RMDN2: variants seen among roughly 807,000 people sequenced by gnomAD.
The protein encoded by RMDN2 is regulator of microtubule dynamics protein 2.
A neutral mutation model predicts 52.8 loss-of-function variants in RMDN2; 61 were observed. That is an observed-to-expected ratio of 1.16 (90% CI 0.94 to 1.43). The LOEUF (loss-of-function observed/expected upper bound fraction) is 1.43. RMDN2 is among the 40% of genes most tolerant of loss of function. RMDN2 has a pLI of 0.00. For synonymous variants in RMDN2, 180 were observed against 153.1 expected, an observed-to-expected ratio of 1.18 and a Z score of -1.30; for missense variants, 592 against 475.3, an observed-to-expected ratio of 1.25 and a Z score of -2.28.
upstream of RMDN2, among the ~76,000 whole-genome samples, chr2:37,923,727 G>C (rs754327645): frequency 2.0e-5 from 3 of 152,156 alleles, no homozygotes; most frequent in Non-Finnish European, 4.4e-5. Flanking sequence ...AGATTAATCT[G>C]CTCTTTTTCC....
chr2:38,003,854 ATG>A, intron 8 of RMDN2, 135 bp from the exon 9 acceptor site: 1 of 682,584 alleles, frequency 1.5e-6, no homozygotes, highest in Non-Finnish European at 2.6e-6. Flanking sequence ...AGTGATTCAA[ATG>A]TGAAACAACC....
At chr2:37,947,751 A>G (rs566725409) in intron 2 of RMDN2, among the ~76,000 whole-genome samples, 2 of 152,356 alleles carry the variant, frequency 1.3e-5, no homozygotes, top group South Asian at 4.1e-4. Context: ...CTGAATTCAG[A>G]GTACTTCACG....
intron 10 of RMDN2, among the ~76,000 whole-genome samples, chr2:38,064,476 C>T (rs962958687): frequency 1.6e-4 from 24 of 150,726 alleles, no homozygotes; most frequent in Non-Finnish European, 3.0e-4. Context: ...GGTGACAGAG[C>T]GAGACTCCAT....
chr2:38,061,940 G>T (rs1682069500), intron 10 of RMDN2, among the ~76,000 whole-genome samples: 1 of 152,112 alleles, frequency 6.6e-6, no homozygotes, highest in African/African-American at 2.4e-5. Context: ...CTCCTGCAAG[G>T]ACTTCAGCAC....
chr2:37,941,684 G>C (rs1667800741), intron 2 of RMDN2, among the ~76,000 whole-genome samples: 1 of 152,220 alleles, frequency 6.6e-6, no homozygotes, highest in African/African-American at 2.4e-5. Context: ...TGGTGGCTTT[G>C]TTTACACCGT....
At chr2:37,925,644 T>G (rs1332529587) in intron 1 of RMDN2, among the ~76,000 whole-genome samples, 1 of 152,234 alleles carries the variant, frequency 6.6e-6, no homozygotes, top group Non-Finnish European at 1.5e-5. Context: ...TCGCTGACCC[T>G]GCGCCACGGA....
intron 5 of RMDN2, among the ~76,000 whole-genome samples, chr2:37,985,626 G>A (rs998333557): frequency 1.3e-5 from 2 of 152,134 alleles, no homozygotes; most frequent in Non-Finnish European, 2.9e-5. Context: ...AGTGTGTTCA[G>A]TAATTTTGTT....
At chr2:37,921,614 A>G (rs1223212510), upstream of RMDN2, among the ~76,000 whole-genome samples, 1 of 152,240 alleles carries the variant, frequency 6.6e-6, no homozygotes, top group Non-Finnish European at 1.5e-5. Context: ...AAATGATGTA[A>G]TATCACATTA....
At chr2:38,061,447 A>G (rs1212977865) in intron 10 of RMDN2, among the ~76,000 whole-genome samples, 5 of 152,186 alleles carry the variant, frequency 3.3e-5, no homozygotes, top group East Asian at 1.9e-4. Flanking sequence ...ATAAAAATCA[A>G]TTTAATGAAT....
At chr2:37,935,234 G>A (rs1227033426) in intron 2 of RMDN2, among the ~76,000 whole-genome samples, 2 of 152,172 alleles carry the variant, frequency 1.3e-5, no homozygotes, top group African/African-American at 4.8e-5. Flanking sequence ...ATATTACTTC[G>A]TAGATAATAG....
intron 7 of RMDN2, among the ~76,000 whole-genome samples, chr2:37,995,322 G>GACTACTACTACTACTACTACT (rs3056282): frequency 8.2e-5 from 12 of 147,156 alleles, no homozygotes; most frequent in African/African-American, 2.3e-4. Flanking sequence ...AAGAGGGGAT[G>GACTACTACTACTACTACTACT]ACTACTACTA....
At chr2:38,037,868 C>T (rs1258835116) in intron 10 of RMDN2, among the ~76,000 whole-genome samples, 1 of 152,194 alleles carries the variant, frequency 6.6e-6, no homozygotes, top group African/African-American at 2.4e-5. Context: ...GGTTAAGTAG[C>T]TCACACGGTG....
chr2:38,052,198 GA>G (rs1255090735), intron 10 of RMDN2, among the ~76,000 whole-genome samples: 1 of 152,006 alleles, frequency 6.6e-6, no homozygotes, highest in Non-Finnish European at 1.5e-5. Flanking sequence ...TGGTCTTTTT[GA>G]TAATAGACAT....
chr2:37,946,693 C>G (rs1024727083), intron 2 of RMDN2, among the ~76,000 whole-genome samples: 14 of 152,118 alleles, frequency 9.2e-5, no homozygotes, highest in Non-Finnish European at 1.5e-4. Context: ...CTATATACTA[C>G]CAGTCTTCAC....
At position 38,031,308 on chromosome 2, in the gene RMDN2, G is replaced by A. The variant is rs982594164; in HGVS notation, c.1713+27092G>A. On this transcript the variant is annotated intron_variant, in intron 10 of 10. Coordinates refer to the RMDN2 transcript ENST00000234195. ...GATGGGCTCTTGCCATGTTGCCCAG[G>A]CTGGAGTGCAGTGGCCATTCACAGA... is the stretch of plus-strand genomic sequence containing the variant. 3.5e-5 allele frequency among the ~76,000 whole-genome samples: 5 copies of A among 144,752 alleles called. No individual in the cohort carries two copies. In the Admixed American group the frequency reaches 3.5e-4, roughly 10 times the overall value. 95.0% of individuals were successfully genotyped at this position (144,752 alleles called of 152,430 possible). A position where few individuals can be genotyped will look rare whatever the true frequency, so the allele number is the denominator to read the frequency against.
intron 10 of RMDN2, among the ~76,000 whole-genome samples, chr2:38,037,548 G>A (rs953714976): frequency 6.6e-6 from 1 of 152,222 alleles, no homozygotes; most frequent in African/African-American, 2.4e-5. Flanking sequence ...AGAAACTGTC[G>A]TTCAAGTCAT....
rs1267126646 is a variant in RMDN2 at position 37,929,625 on chromosome 2, T to C, written c.348T>C (p.Thr116=). The C allele has an allele frequency of 1.3e-6, 2 of 1,551,580 alleles. No homozygotes were observed. The highest frequency in any genetic ancestry group is 1.7e-6 in the Non-Finnish European group (2 of 1,146,872). Residue 116 remains threonine, a synonymous_variant, in exon 2 of 11, where the codon ACT becomes ACC. Coordinates refer to ENST00000354545, the MANE Select transcript of RMDN2 (RefSeq NM_001170791.3). ...YIQDELGGKI[T]VHKISPQHRA... ...AAGATGAACTTGGAGGGAAAATAACTGTTCATAAGATAAGCCCTCAGCACA... is the reference window on the plus strand; with the variant it reads ...AAGATGAACTTGGAGGGAAAATAACCGTTCATAAGATAAGCCCTCAGCACA...
At chr2:38,031,474 A>G (rs1680200519) in intron 10 of RMDN2, among the ~76,000 whole-genome samples, 1 of 151,354 alleles carries the variant, frequency 6.6e-6, no homozygotes, top group Admixed American at 6.6e-5. Flanking sequence ...TTTTATTTTG[A>G]TGTAATGCTG....
chr2:37,948,827 G>A (rs868801364), intron 2 of RMDN2, among the ~76,000 whole-genome samples: 21 of 152,064 alleles, frequency 1.4e-4, no homozygotes, highest in Admixed American at 2.6e-4. Context: ...GAATAAGGTC[G>A]GGGGAGTGAT....
Sources: allele counts gnomAD v4.1 joint callset (sites outside exome capture counted in the v4.1 genomes callset), GRCh38; gene constraint gnomAD v4.1.1; transcripts MANE v1.5; gene names NCBI Gene and HGNC (gene_info 2026-07-23, HGNC 2026-07-21).